The following PCDHGB3 variants were observed in gnomAD, a reference collection of about 807,000 sequenced individuals.
PCDHGB3 encodes protocadherin gamma subfamily B, 3.
A neutral mutation model predicts 59.2 loss-of-function variants in PCDHGB3; 40 were observed. That is an observed-to-expected ratio of 0.68 (90% CI 0.52 to 0.88). The LOEUF (loss-of-function observed/expected upper bound fraction) is 0.88, where lower values mean the gene tolerates loss of function less well. PCDHGB3 is among the 40% of genes least tolerant of loss of function. The probability of loss-of-function intolerance (pLI) is 0.00; values close to 1 mark genes in which losing one functional copy is unlikely to be tolerated. For synonymous variants in PCDHGB3, 581 were observed against 503.6 expected (o/e 1.15, Z -2.06); for missense variants, 1,309 against 1,187.9 (o/e 1.10, Z -1.50).
At chr5:141,473,884 G>T (rs1162382168) in intron 1 of PCDHGB3, among the ~76,000 whole-genome samples, 1 of 152,162 alleles carries the variant, frequency 6.6e-6, no homozygotes, top group African/African-American at 2.4e-5. Context: ...ATACACAAGG[G>T]TTCTGTTGGT....
chr5:141,458,054 T>G (rs2098935656), intron 1 of PCDHGB3, among the ~76,000 whole-genome samples: 1 of 152,252 alleles, frequency 6.6e-6, no homozygotes, highest in Admixed American at 6.5e-5. Context: ...GGATTCTTGC[T>G]GCACTGATGC....
At chr5:141,465,779 G>A (rs1199779963) in intron 1 of PCDHGB3, among the ~76,000 whole-genome samples, 2 of 145,170 alleles carry the variant, frequency 1.4e-5, no homozygotes, top group African/African-American at 5.0e-5. Flanking sequence ...TCTTGTTACA[G>A]TTTTTTTTTT....
chr5:141,487,304 C>T lies in PCDHGB3; in HGVS notation c.2416-7503C>T. The T allele has an allele frequency of 6.2e-7, 1 of 1,614,190 alleles. No homozygotes were observed. The highest frequency in any genetic ancestry group is 8.5e-7 in the Non-Finnish European group (1 of 1,180,042). On this transcript the variant is annotated intron_variant, in intron 1 of 3. Transcript: ENST00000576222. This position sits in a 1 kb window ranked among gnomAD's most constrained non-coding sequence, Gnocchi z 5.0. ...TGTCTCCTTTGGCTCATTCGTGGCA[C>T]TACTCTCTAAGTGTCTTCGTGGGGC...
rs528371675 is a variant in PCDHGB3 at position 141,389,403 on chromosome 5, G to T, written c.2415+16594G>T. 18 of 1,613,628 alleles carry T rather than the reference G, an allele frequency of 1.1e-5. No individual in the cohort carries two copies. The African/African-American group carries it at 2.4e-4, about 21-fold the overall frequency. On this transcript the variant is annotated intron_variant, in intron 1 of 3. Transcript: ENST00000576222. The stretch of plus-strand genomic sequence containing the variant: ...GCTGTCATCCTACGTGTCCATAAGC[G>T]CGGAGAGCGGGGTGGTGTTCGCGCA...
At chr5:141,422,639 C>G (rs777330051) in intron 1 of PCDHGB3, 1 of 1,612,662 alleles carries the variant, frequency 6.2e-7, no homozygotes. Flanking sequence ...AGGGGTGCCT[C>G]CATCTTCTCA....
At chr5:141,420,353 G>C (rs1281948860) in intron 1 of PCDHGB3, 1 of 1,382,260 alleles carries the variant, frequency 7.2e-7, no homozygotes, top group African/African-American at 1.5e-5. Context: ...ATTATTTTAA[G>C]ATTCTAGATA....
At chr5:141,402,807 T>TA in intron 1 of PCDHGB3, 1 of 1,165,464 alleles carries the variant, frequency 8.6e-7, no homozygotes, top group Non-Finnish European at 1.2e-6. Flanking sequence ...ACCCGGCAGA[T>TA]ACCACAAACC....
rs539620413 is a variant in PCDHGB3, at chr5:141,488,489, G to GT, written c.2416-6317dup. Among the ~76,000 whole-genome samples the GT allele has an allele frequency of 1.6e-4, 25 of 152,268 alleles. No homozygotes were observed. In the South Asian group the frequency reaches 4.6e-3, roughly 28 times the overall value. On this transcript the variant is annotated intron_variant, in intron 1 of 3. Transcript: ENST00000576222. ...AGAAATGTTCCCCTACCCAAAAACT[G>GT]TAACACTCATTCCACATTTGGGGTC...
At position 141,494,826 on chromosome 5, in the gene PCDHGB3, A is replaced by C; in HGVS notation, c.2435A>C (p.Asp812Ala). The change falls in exon 2 of 4, where the codon GAC becomes GCC. Residue 812 changes from aspartate to alanine, a missense_variant. Asp to Ala is a moderately radical substitution (Grantham distance 126, BLOSUM62 -2). Transcript: ENST00000576222. The part of the protein sequence containing the change: ...NLQKQAPPNT[D>A]WRFSQAQRPG... ...CCACAGCAAGCCCCGCCCAACACGGACTGGCGTTTCTCTCAGGCCCAGAGA... is the reference window on the plus strand; with the variant it reads ...CCACAGCAAGCCCCGCCCAACACGGCCTGGCGTTTCTCTCAGGCCCAGAGA... 4 of 1,613,960 alleles carry C rather than the reference A, an allele frequency of 2.5e-6. No individual in the cohort carries two copies. Among genetic ancestry groups the C allele is most frequent in the Non-Finnish European group, 3.4e-6 (4 of 1,179,976 alleles).
intron 2 of PCDHGB3, among the ~76,000 whole-genome samples, chr5:141,496,335 C>G (rs2099768099): frequency 1.3e-5 from 2 of 152,204 alleles, no homozygotes; most frequent in Admixed American, 6.5e-5. Flanking sequence ...AAGTCAGGAG[C>G]CTGGAGGAGT....
chr5:141,374,727 T>A (rs1169090117), intron 1 of PCDHGB3: 2 of 1,610,538 alleles, frequency 1.2e-6, no homozygotes, highest in Non-Finnish European at 1.7e-6. Flanking sequence ...CTTACTGCCA[T>A]GGATGGCGGC....
chr5:141,509,595 C>T (rs968797923), intron 3 of PCDHGB3, among the ~76,000 whole-genome samples: 36 of 152,168 alleles, frequency 2.4e-4, no homozygotes, highest in African/African-American at 6.8e-4. Context: ...CTGGCAATTC[C>T]GAGAGGCTGC....
chr5:141,382,887 A>T (rs1778529404), intron 1 of PCDHGB3: 1 of 1,530,424 alleles, frequency 6.5e-7, no homozygotes, highest in Non-Finnish European at 8.8e-7. Context: ...TAAGCAAGAG[A>T]AGCAGGACGA....
chr5:141,482,429 A>G (rs955366858), intron 1 of PCDHGB3, among the ~76,000 whole-genome samples: 1 of 151,366 alleles, frequency 6.6e-6, no homozygotes, highest in African/African-American at 2.4e-5. Flanking sequence ...AAAAATGATA[A>G]TACTGATATT....
chr5:141,383,406 T>G lies in PCDHGB3; in HGVS notation c.2415+10597T>G, dbSNP rs780989648. 25 of 1,613,866 alleles carry G rather than the reference T, an allele frequency of 1.5e-5. No individual in the cohort carries two copies. In the African/African-American group the frequency reaches 3.2e-4, roughly 21 times the overall value. ...ATGTGGGCACGAACTCCCTCCAGAG[T>G]TACCAGCTCAGCCCCAATCGCCACT... On this transcript the variant is annotated intron_variant, in intron 1 of 3. Coordinates refer to ENST00000576222, the MANE Select transcript of PCDHGB3 (RefSeq NM_018924.5).
intron 1 of PCDHGB3, chr5:141,430,826 C>A: frequency 6.4e-7 from 1 of 1,550,416 alleles, no homozygotes; most frequent in Non-Finnish European, 8.7e-7. Flanking sequence ...CCTGGGGACT[C>A]TGTGGGAGAC....
rs553772792 is a variant in PCDHGB3, at chr5:141,444,542, G to A, written c.2416-50265G>A. ...AGGTGAGACAGTGACTGTGTCTAGT[G>A]AGCAAAAGGCACTTATTTGACACTT... On this transcript the variant is annotated intron_variant, in intron 1 of 3. Coordinates refer to ENST00000576222, the MANE Select transcript of PCDHGB3 (RefSeq NM_018924.5). 3.3e-5 allele frequency among the ~76,000 whole-genome samples: 5 copies of A among 152,156 alleles called. No individual in the cohort carries two copies. The East Asian group carries it at 7.7e-4, about 24-fold the overall frequency.
chr5:141,410,175 C>T (rs202065305), intron 1 of PCDHGB3: 5 of 1,613,752 alleles, frequency 3.1e-6, no homozygotes, highest in Non-Finnish European at 8.5e-7. Flanking sequence ...TCTGCCACCG[C>T]CACGCTTCAT....
At chr5:141,384,295 C>G in intron 1 of PCDHGB3, 2 of 1,613,828 alleles carry the variant, frequency 1.2e-6, no homozygotes, top group South Asian at 2.2e-5. Context: ...TGAGAACAAC[C>G]CCAGAGGGGC....
Sources: allele counts gnomAD v4.1 joint callset (sites outside exome capture counted in the v4.1 genomes callset), GRCh38; gene constraint gnomAD v4.1.1; non-coding constraint Gnocchi (gnomAD v3.1); transcripts MANE v1.5; gene names NCBI Gene and HGNC (gene_info 2026-07-23, HGNC 2026-07-21).